The following MELK variants were observed in gnomAD, a reference collection of about 807,000 sequenced individuals.
MELK encodes the protein pEg3 kinase.
In MELK, 81 loss-of-function variants were observed where a neutral mutation model predicts 85.0. That is an observed-to-expected ratio of 0.95 (90% CI 0.80 to 1.15). The LOEUF (loss-of-function observed/expected upper bound fraction) is 1.15, where lower values mean the gene tolerates loss of function less well. MELK is among the 50% of genes most tolerant of loss of function. The pLI is 0.00. For missense variants in MELK, 754 were observed against 777.5 expected, an observed-to-expected ratio of 0.97 and a Z score of 0.36; for synonymous variants, 252 against 265.0, an observed-to-expected ratio of 0.95 and a Z score of 0.48.
chr9:36,646,952 CAA>C (rs1054500456), intron 11 of MELK, among the ~76,000 whole-genome samples: 5 of 152,214 alleles, frequency 3.3e-5, no homozygotes, highest in Non-Finnish European at 7.3e-5. Context: ...ATTTGACTTT[CAA>C]AAGAGGGAAT....
chr9:36,638,182 T>G (rs1364209999), intron 10 of MELK, among the ~76,000 whole-genome samples: 1 of 152,226 alleles, frequency 6.6e-6, no homozygotes, highest in Non-Finnish European at 1.5e-5. Context: ...AAGTCTCTGC[T>G]TTCTACAACC....
intron 17 of MELK, 50 bp from the exon 18 acceptor site, chr9:36,677,110 T>C (rs764778968): frequency 9.8e-6 from 15 of 1,530,474 alleles, no homozygotes; most frequent in Admixed American, 1.8e-5. Flanking sequence ...AAAACTCTTA[T>C]ACAGAATATG....
At chr9:36,600,455 C>G (rs899966479) in intron 7 of MELK, among the ~76,000 whole-genome samples, 11 of 152,170 alleles carry the variant, frequency 7.2e-5, no homozygotes, top group African/African-American at 2.7e-4. Context: ...ACAATCTCCG[C>G]TCACTACAAG....
intron 15 of MELK, among the ~76,000 whole-genome samples, chr9:36,669,920 A>G (rs1832741545): frequency 6.6e-6 from 1 of 152,122 alleles, no homozygotes; most frequent in Non-Finnish European, 1.5e-5. Context: ...AGATGATATT[A>G]TGGAATTATT....
chr9:36,606,033 TACTG>T (rs1375956342), intron 7 of MELK, among the ~76,000 whole-genome samples: 3 of 151,806 alleles, frequency 2.0e-5, no homozygotes, highest in African/African-American at 7.3e-5. Flanking sequence ...GTGGCATCAT[TACTG>T]ACTAAGGCCA....
chr9:36,590,579 A>G (rs1823436799), intron 4 of MELK, among the ~76,000 whole-genome samples: 1 of 152,172 alleles, frequency 6.6e-6, no homozygotes, highest in Admixed American at 6.5e-5. Flanking sequence ...TGATCCAGTG[A>G]CAGTTCAACC....
intron 12 of MELK, among the ~76,000 whole-genome samples, chr9:36,656,622 C>CT (rs962697841): frequency 4.0e-5 from 6 of 151,088 alleles, no homozygotes; most frequent in African/African-American, 7.3e-5. Context: ...TCTACCTTTT[C>CT]TTTTTTTTTC....
rs1305903001 is a variant in MELK at position 36,573,684 on chromosome 9, T to G, written c.-39+677T>G. On this transcript the variant is annotated intron_variant, in intron 1 of 17. Coordinates refer to ENST00000298048, the MANE Select transcript of MELK (RefSeq NM_014791.4). ...CCACGCCCGGCTCATTTTTTGTATT[T>G]TTAGTAGAGACGGGGTTTCACCACG... Among the ~76,000 whole-genome samples the G allele has an allele frequency of 3.3e-5, 5 of 152,062 alleles. No homozygotes were observed. In the East Asian group the frequency reaches 9.6e-4, roughly 29 times the overall value.
chr9:36,588,206 G>A (rs1274013013), intron 3 of MELK, among the ~76,000 whole-genome samples: 8 of 149,076 alleles, frequency 5.4e-5, no homozygotes, highest in Non-Finnish European at 1.0e-4. Flanking sequence ...ACAGACATGC[G>A]CCACCATGCC....
chr9:36,586,888 G>A (rs1477255306), intron 3 of MELK, among the ~76,000 whole-genome samples: 1 of 151,990 alleles, frequency 6.6e-6, no homozygotes, highest in Non-Finnish European at 1.5e-5. Flanking sequence ...TTGAGATGGA[G>A]TCTTGCTCTG....
At chr9:36,670,004 G>A (rs1045924821) in intron 15 of MELK, among the ~76,000 whole-genome samples, 3 of 152,162 alleles carry the variant, frequency 2.0e-5, no homozygotes, top group African/African-American at 7.2e-5. Context: ...TACAAAGCTG[G>A]AGCCAGAACC....
chr9:36,665,725 A>G (rs770047589), intron 14 of MELK, 144 bp downstream of exon 14: 89 of 588,610 alleles, frequency 1.5e-4, no homozygotes, highest in Non-Finnish European at 1.3e-4. Context: ...CATTTGCATT[A>G]GTTAAAATGA....
intron 13 of MELK, among the ~76,000 whole-genome samples, 175 bp from the exon 14 acceptor site, chr9:36,665,175 C>G (rs745707469): frequency 6.6e-5 from 10 of 152,084 alleles, no homozygotes; most frequent in Non-Finnish European, 1.0e-4. Context: ...CTAAAGTGAT[C>G]TACATGTATT....
intron 8 of MELK, among the ~76,000 whole-genome samples, chr9:36,622,305 G>A (rs888611068): frequency 1.3e-5 from 2 of 152,048 alleles, no homozygotes; most frequent in Non-Finnish European, 2.9e-5. Context: ...TAATTAAGGT[G>A]TCGTATCACT....
At chr9:36,612,394 A>C (rs556824936) in intron 8 of MELK, among the ~76,000 whole-genome samples, 148 of 149,872 alleles carry the variant, frequency 9.9e-4, no homozygotes, top group Non-Finnish European at 1.8e-3. Context: ...CACATCTGGC[A>C]ATTATTTTTG....
chr9:36,670,382 A>G (rs1176386419), intron 15 of MELK, among the ~76,000 whole-genome samples: 1 of 151,800 alleles, frequency 6.6e-6, no homozygotes, highest in East Asian at 1.9e-4. Flanking sequence ...TATGTAACGT[A>G]AACTTCTCAG....
At chr9:36,641,005 C>T (rs1439588709) in intron 10 of MELK, among the ~76,000 whole-genome samples, 1 of 152,174 alleles carries the variant, frequency 6.6e-6, no homozygotes, top group Non-Finnish European at 1.5e-5. Context: ...CTGGGCAGAC[C>T]TCTCTTTCTT....
At chr9:36,576,365 G>GT (rs1821645726) in intron 1 of MELK, among the ~76,000 whole-genome samples, 1 of 152,102 alleles carries the variant, frequency 6.6e-6, no homozygotes, top group Non-Finnish European at 1.5e-5. Flanking sequence ...GCTTAATATT[G>GT]TTTATTTTAT....
intron 12 of MELK, among the ~76,000 whole-genome samples, chr9:36,655,309 C>A (rs1416081629): frequency 1.3e-5 from 2 of 152,032 alleles, no homozygotes; most frequent in East Asian, 3.9e-4. Flanking sequence ...GACCAACAGT[C>A]AAGGTTAGAA....
Sources: gnomAD v4.1 joint callset for allele counts (sites outside exome capture counted in the v4.1 genomes callset) on GRCh38, gnomAD v4.1.1 for gene constraint, MANE v1.5 for transcripts, NCBI Gene and HGNC (gene_info 2026-07-23, HGNC 2026-07-21) for gene names.